The following RBMS3 variants were observed in gnomAD, a reference collection of about 807,000 sequenced individuals.
The protein encoded by RBMS3 is RNA-binding motif, single-stranded-interacting protein 3.
Under a neutral mutation model 66.8 loss-of-function variants are expected in RBMS3, and 27 were observed. The observed-to-expected ratio is 0.40, with a 90% CI of 0.30 to 0.56. The LOEUF (loss-of-function observed/expected upper bound fraction) is 0.56, where lower values mean the gene tolerates loss of function less well. RBMS3 is among the 20% of genes least tolerant of loss of function. RBMS3 has a pLI of 0.40. For missense variants in RBMS3, 513 were observed against 549.5 expected (o/e 0.93, Z 0.66); for synonymous variants, 188 against 183.0 (o/e 1.03, Z -0.22).
At chr3:29,815,569 TGTG>T (rs1286746878) in intron 6 of RBMS3, among the ~76,000 whole-genome samples, 5 of 152,074 alleles carry the variant, frequency 3.3e-5, no homozygotes, top group African/African-American at 1.2e-4. Flanking sequence ...GTAAAGAAAA[TGTG>T]GTATATATAC....
intron 3 of RBMS3, among the ~76,000 whole-genome samples, chr3:29,498,275 G>C (rs946254926): frequency 6.6e-6 from 1 of 151,748 alleles, no homozygotes; most frequent in African/African-American, 2.4e-5. Flanking sequence ...GATTACAGGC[G>C]TGAACCACTG....
intron 12 of RBMS3, among the ~76,000 whole-genome samples, chr3:29,964,172 T>C (rs142867096): frequency 2.6e-5 from 4 of 152,334 alleles, no homozygotes; most frequent in African/African-American, 9.6e-5. Context: ...TTTAAAATAG[T>C]GTGTGAAGTA....
At chr3:29,462,005 TG>T (rs2042389113) in intron 2 of RBMS3, among the ~76,000 whole-genome samples, 1 of 143,778 alleles carries the variant, frequency 7.0e-6, no homozygotes, top group Non-Finnish European at 1.5e-5. Context: ...CTCGATCTCC[TG>T]ACCTCATGAT....
At chr3:29,817,652 T>A (rs1411534521) in intron 6 of RBMS3, among the ~76,000 whole-genome samples, 1 of 152,126 alleles carries the variant, frequency 6.6e-6, no homozygotes, top group African/African-American at 2.4e-5. Context: ...AAAAAGGAAA[T>A]GCTTTTGCTC....
At chr3:29,954,731 T>C (rs1212384838) in intron 12 of RBMS3, among the ~76,000 whole-genome samples, 1 of 152,004 alleles carries the variant, frequency 6.6e-6, no homozygotes, top group Non-Finnish European at 1.5e-5. Flanking sequence ...GCTATACCCA[T>C]TCCATTCTAT....
At chr3:29,793,691 A>G (rs2057088401) in intron 6 of RBMS3, among the ~76,000 whole-genome samples, 1 of 152,212 alleles carries the variant, frequency 6.6e-6, no homozygotes, top group Admixed American at 6.5e-5. Context: ...TCATGTGCAC[A>G]TTGCATTCTA....
chr3:29,525,712 T>C (rs917370600), intron 3 of RBMS3, among the ~76,000 whole-genome samples: 27 of 152,184 alleles, frequency 1.8e-4, no homozygotes, highest in African/African-American at 6.0e-4. Context: ...TCAATCTTTG[T>C]TCCCTAAACA....
intron 6 of RBMS3, among the ~76,000 whole-genome samples, chr3:29,848,035 A>G (rs1559734087): frequency 6.6e-6 from 1 of 152,150 alleles, no homozygotes; most frequent in Non-Finnish European, 1.5e-5. Context: ...CATTCTCAAT[A>G]CAAAATAGAG....
In RBMS3 at chr3:29,969,042, TATC is replaced by T. The variant is rs1171853279; in HGVS notation, c.1099-19098_1099-19096del. 4.0e-5 allele frequency among the ~76,000 whole-genome samples: 6 copies of T among 151,456 alleles called. No individual in the cohort carries two copies. In the East Asian group the frequency reaches 1.2e-3, roughly 29 times the overall value. On this transcript the variant is annotated intron_variant, in intron 12 of 14. Coordinates refer to ENST00000383767, the MANE Select transcript of RBMS3 (RefSeq NM_001003793.3). ...CTCTTAATCATGAAAAGTTTTGAGT[TATC>T]ATAGACAGTGGTGAAAATAATTAAA... is the stretch of plus-strand genomic sequence containing the variant.
At chr3:29,770,701 G>A (rs2056162373) in intron 6 of RBMS3, among the ~76,000 whole-genome samples, 2 of 152,024 alleles carry the variant, frequency 1.3e-5, no homozygotes, top group African/African-American at 2.4e-5. Flanking sequence ...CTAAGACCAT[G>A]TTGGGCTTTG....
intron 12 of RBMS3, among the ~76,000 whole-genome samples, chr3:29,976,712 T>C (rs1697611936): frequency 6.6e-6 from 1 of 152,136 alleles, no homozygotes; most frequent in Non-Finnish European, 1.5e-5. Flanking sequence ...AGAATTTCAC[T>C]TGAGGCAGAT....
chr3:29,706,801 A>G (rs568110020), intron 4 of RBMS3, among the ~76,000 whole-genome samples: 1 of 152,308 alleles, frequency 6.6e-6, no homozygotes, highest in African/African-American at 2.4e-5. Context: ...GGATATTTTT[A>G]TTATTGCTTT....
intron 14 of RBMS3, among the ~76,000 whole-genome samples, chr3:29,995,776 A>C (rs984672015): frequency 6.6e-6 from 1 of 152,352 alleles, no homozygotes; most frequent in East Asian, 1.9e-4. Flanking sequence ...AGCACTAAAC[A>C]TGGAAAGGAA....
At chr3:29,773,151 T>G (rs1332834800) in intron 6 of RBMS3, among the ~76,000 whole-genome samples, 1 of 151,962 alleles carries the variant, frequency 6.6e-6, no homozygotes, top group Non-Finnish European at 1.5e-5. Context: ...ATAATCAACT[T>G]TAAGTTTTAG....
chr3:29,687,138 T>G (rs1215544423), intron 4 of RBMS3, among the ~76,000 whole-genome samples: 1 of 152,186 alleles, frequency 6.6e-6, no homozygotes, highest in East Asian at 1.9e-4. Context: ...TCCTTCCTTT[T>G]CAGGTCACAC....
chr3:29,376,967 T>TA (rs2038507488), intron 1 of RBMS3, among the ~76,000 whole-genome samples: 2 of 151,942 alleles, frequency 1.3e-5, no homozygotes, highest in Non-Finnish European at 2.9e-5. Context: ...CGGATGCCTG[T>TA]AATCCCAGCT....
intron 1 of RBMS3, among the ~76,000 whole-genome samples, chr3:29,344,999 G>A (rs1042704517): frequency 2.6e-5 from 4 of 152,134 alleles, no homozygotes; most frequent in African/African-American, 4.8e-5. Flanking sequence ...TTAATTATCA[G>A]TTGTTGAATT....
At chr3:29,644,689 T>G (rs1448988070) in intron 4 of RBMS3, among the ~76,000 whole-genome samples, 4 of 152,198 alleles carry the variant, frequency 2.6e-5, no homozygotes, top group Non-Finnish European at 5.9e-5. Context: ...ATATGAATTT[T>G]AGTCTTTCAT....
In RBMS3 at chr3:29,344,926, C is replaced by G. The variant is rs533273946; in HGVS notation, c.75+63170C>G. Among the ~76,000 whole-genome samples, 8 of 152,182 alleles carry G rather than the reference C, an allele frequency of 5.3e-5. No homozygotes were observed. In the South Asian group the frequency reaches 1.7e-3, roughly 32 times the overall value. Reference sequence around the variant, plus strand: ...AGTGGCTGTCCCCTTTAACTCAAGCCCAGGACCTACAGATTTCTCTGTAGC... The same window carrying G: ...AGTGGCTGTCCCCTTTAACTCAAGCGCAGGACCTACAGATTTCTCTGTAGC... On this transcript the variant is annotated intron_variant, in intron 1 of 14. Transcript: ENST00000383767.
Sources: gnomAD v4.1 joint callset for allele counts (sites outside exome capture counted in the v4.1 genomes callset) on GRCh38, gnomAD v4.1.1 for gene constraint, MANE v1.5 for transcripts, NCBI Gene and HGNC (gene_info 2026-07-23, HGNC 2026-07-21) for gene names.